Variants in TASOR observed in about 807,000 individuals in gnomAD.
TASOR encodes protein TASOR.
In TASOR, 53 loss-of-function variants were observed where a neutral mutation model predicts 178.6. The ratio of observed to expected loss-of-function variants is 0.30; its 90% CI spans 0.24 to 0.37. The LOEUF is 0.37. Among genes scored for constraint, TASOR ranks in the 10% least tolerant of loss-of-function variants. The pLI is 1.00. For synonymous variants in TASOR, 713 were observed against 696.2 expected (o/e 1.02, Z -0.38); for missense variants, 1,815 against 1,971.4 (o/e 0.92, Z 1.50).
At chr3:56,638,008 G>A (rs1289623896) in intron 17 of TASOR, among the ~76,000 whole-genome samples, 2 of 152,104 alleles carry the variant, frequency 1.3e-5, no homozygotes, top group Non-Finnish European at 2.9e-5. Context: ...TAGGTTAAAA[G>A]ACTATGAATA....
At chr3:56,674,945 A>AGT (rs2031146579) in intron 1 of TASOR, among the ~76,000 whole-genome samples, 2 of 152,052 alleles carry the variant, frequency 1.3e-5, no homozygotes, top group Admixed American at 6.6e-5. Context: ...CAGCCTCCCA[A>AGT]GTAGCTGGGA....
chr3:56,638,555 A>G (rs921211442), intron 17 of TASOR, 151 bp downstream of exon 17: 2 of 652,336 alleles, frequency 3.1e-6, no homozygotes, highest in Admixed American at 5.5e-5. Flanking sequence ...CAACTCAAGT[A>G]ATGATTTACA....
chr3:56,662,055 G>A (rs371330476), intron 9 of TASOR, among the ~76,000 whole-genome samples: 3 of 151,684 alleles, frequency 2.0e-5, no homozygotes, highest in Admixed American at 2.0e-4. Context: ...GCTTGAACCC[G>A]GGAGGCGAAG....
At chr3:56,659,977 C>T (rs2077557194) in intron 11 of TASOR, among the ~76,000 whole-genome samples, 1 of 151,790 alleles carries the variant, frequency 6.6e-6, no homozygotes, top group African/African-American at 2.4e-5. Context: ...TGGGTTCAAG[C>T]GATTCTCCTG....
chr3:56,624,914 G>A lies in TASOR; in HGVS notation c.4232C>T (p.Ser1411Leu). ...VEILSYHNCD[S>L]QTRNAPELDC... ...CAATTCTGGAGCATTTCGAGTTTGT[G>A]AATCACAATTGTGGTATGACAAAAT... Residue 1411 changes from serine (S) to leucine (L), a missense_variant, in exon 22 of 24, where the codon TCA (serine) becomes TTA (leucine). This residue lies in a region of TASOR where 134 missense variants were observed against 195.2 expected (regional missense o/e 0.69). Coordinates refer to ENST00000683822, the MANE Select transcript of TASOR (RefSeq NM_001365635.2). 1 of 1,614,176 alleles carries A rather than the reference G, an allele frequency of 6.2e-7. No individual in the cohort carries two copies. The highest frequency in any genetic ancestry group is 8.5e-7 in the Non-Finnish European group (1 of 1,180,010).
Position 56,624,905 on chromosome 3 carries a change from C to G in TASOR, c.4241G>C (p.Arg1414Pro). Reference sequence around the variant, plus strand: ...AAGGCAATCCAATTCTGGAGCATTTCGAGTTTGTGAATCACAATTGTGGTA... The same window carrying G: ...AAGGCAATCCAATTCTGGAGCATTTGGAGTTTGTGAATCACAATTGTGGTA... The part of the protein sequence containing the change: ...LSYHNCDSQT[R>P]NAPELDCLIR... The change falls in exon 22 of 24, where the codon CGA becomes CCA. Residue 1414 changes from arginine (R) to proline (P), a missense_variant. Coordinates refer to ENST00000683822, the MANE Select transcript of TASOR (RefSeq NM_001365635.2). The G allele has an allele frequency of 6.2e-7, 1 of 1,614,164 alleles. No individual in the cohort carries two copies. Among genetic ancestry groups the G allele is most frequent in the Non-Finnish European group, 8.5e-7 (1 of 1,180,012 alleles).
chr3:56,677,704 A>G (rs2031432927), intron 1 of TASOR, among the ~76,000 whole-genome samples: 1 of 152,218 alleles, frequency 6.6e-6, no homozygotes, highest in Non-Finnish European at 1.5e-5. Flanking sequence ...TACAACACTT[A>G]GACACAGGAA....
At chr3:56,653,713 TCAC>T (rs1475198387) in intron 11 of TASOR, among the ~76,000 whole-genome samples, 1 of 151,938 alleles carries the variant, frequency 6.6e-6, no homozygotes, top group African/African-American at 2.4e-5. Flanking sequence ...TTTCAAATAA[TCAC>T]CACCATTGTT....
intron 1 of TASOR, among the ~76,000 whole-genome samples, chr3:56,676,200 C>T (rs2031281906): frequency 1.3e-5 from 2 of 152,184 alleles, no homozygotes; most frequent in African/African-American, 2.4e-5. Context: ...AGTAGCTAGA[C>T]CTGTGAGTGC....
Position 56,641,481 on chromosome 3 carries a change from A to C in TASOR, c.2487T>G (p.Thr829=). 6.2e-7 allele frequency: 1 copy of C among 1,613,752 alleles called. No individual in the cohort carries two copies. ...TPDKKDYEQP[T]CAKVENAQFK... ...ACTGTGCATTTTCAACTTTTGCACA[A>C]GTAGGCTGCTCATAGTCTTTCTTAT... Residue 829 remains threonine (T), a synonymous_variant, in exon 15 of 24, where the codon ACT becomes ACG. Coordinates refer to ENST00000683822, the MANE Select transcript of TASOR (RefSeq NM_001365635.2).
chr3:56,653,983 T>A (rs929545334), intron 11 of TASOR, among the ~76,000 whole-genome samples: 1 of 152,148 alleles, frequency 6.6e-6, no homozygotes, highest in Non-Finnish European at 1.5e-5. Flanking sequence ...AAAGTAAAAG[T>A]TGGCCAGGCT....
intron 16 of TASOR, among the ~76,000 whole-genome samples, chr3:56,639,485 C>G (rs2077079902): frequency 6.6e-6 from 1 of 151,974 alleles, no homozygotes; most frequent in African/African-American, 2.4e-5. Flanking sequence ...TACATTTGAT[C>G]ATTCAGGCCA....
intron 1 of TASOR, among the ~76,000 whole-genome samples, chr3:56,677,641 T>C (rs1256973474): frequency 6.6e-6 from 1 of 152,224 alleles, no homozygotes; most frequent in African/African-American, 2.4e-5. Flanking sequence ...TGTCCAATCA[T>C]GTCAAGAGCT....
At chr3:56,630,824 A>G (rs6445804) in intron 18 of TASOR, among the ~76,000 whole-genome samples, 93,435 of 151,380 alleles carry the variant, frequency 0.62, 31,369 homozygotes, top group East Asian at 0.96. Context: ...CACCCTGGGC[A>G]ACAAGAGCAA....
chr3:56,654,963 A>C (rs2077438963), intron 11 of TASOR, among the ~76,000 whole-genome samples: 1 of 152,198 alleles, frequency 6.6e-6, no homozygotes, highest in Non-Finnish European at 1.5e-5. Flanking sequence ...GTGTGAGCCA[A>C]TTCTTTACAA....
At position 56,670,038 on chromosome 3, in the gene TASOR, A is replaced by G. The variant is rs561797751; in HGVS notation, c.643+35T>C. On this transcript the variant is annotated intron_variant, in intron 4 of 23. Coordinates refer to ENST00000683822, the MANE Select transcript of TASOR (RefSeq NM_001365635.2). ...ATGTATTTTTAGACAGCAACTTAGTAGTAGATATTTATATTTAAAAAGAAA... is the reference window on the plus strand; with the variant it reads ...ATGTATTTTTAGACAGCAACTTAGTGGTAGATATTTATATTTAAAAAGAAA... 55 of 1,309,906 alleles carry G rather than the reference A, an allele frequency of 4.2e-5. No homozygotes were observed. In the African/African-American group the frequency reaches 6.6e-4, roughly 16 times the overall value. 81.1% of individuals were successfully genotyped at this position (1,309,906 alleles called of 1,614,324 possible).
chr3:56,658,524 G>C (rs1002844105), intron 11 of TASOR, among the ~76,000 whole-genome samples: 18 of 152,174 alleles, frequency 1.2e-4, no homozygotes, highest in African/African-American at 4.3e-4. Context: ...GAACTGAATA[G>C]ATTTTGATGA....
At chr3:56,636,500 G>A (rs1327128197) in intron 17 of TASOR, among the ~76,000 whole-genome samples, 1 of 151,364 alleles carries the variant, frequency 6.6e-6, no homozygotes, top group Non-Finnish European at 1.5e-5. Context: ...CACCTCCCAG[G>A]TTCAAACAAT....
chr3:56,627,732 A>C lies in TASOR; in HGVS notation c.3880T>G (p.Leu1294Val), dbSNP rs565199320. ...CAGGGGAGCTTCTTTAAAGTCACCA[A>C]GCCAGGTATCTGTTTAAATCCCAAA... ...IAGFIHKIPG[L>V]VTLKKLPCVS... Residue 1294 changes from leucine to valine, a missense_variant, in exon 20 of 24, where the codon TTG becomes GTG. Physicochemically the swap from Leu to Val is conservative, Grantham distance 32 (BLOSUM62 1). Coordinates refer to ENST00000683822, the MANE Select transcript of TASOR (RefSeq NM_001365635.2). The C allele has an allele frequency of 6.2e-7, 1 of 1,613,624 alleles. No homozygotes were observed. The highest frequency in any genetic ancestry group is 1.7e-5 in the Admixed American group (1 of 59,914).
Sources: gnomAD v4.1 joint callset for allele counts (sites outside exome capture counted in the v4.1 genomes callset) on GRCh38, gnomAD v4.1.1 for gene constraint, gnomAD v4.1.1 regional missense constraint, MANE v1.5 for transcripts, NCBI Gene and HGNC (gene_info 2026-07-23, HGNC 2026-07-21) for gene names.